The following COL14A1 variants were observed in gnomAD, a reference collection of about 807,000 sequenced individuals.
The protein encoded by COL14A1 is collagen alpha-1(XIV) chain.
A neutral mutation model predicts 230.3 loss-of-function variants in COL14A1; 136 were observed. That is an observed-to-expected ratio of 0.59 (90% confidence interval 0.51 to 0.68). The LOEUF is 0.68. Among genes scored for constraint, COL14A1 ranks in the 30% least tolerant of loss-of-function variants. The pLI is 0.00. For missense variants in COL14A1, 1,976 were observed against 2,215.8 expected, an observed-to-expected ratio of 0.89 and a Z score of 2.17; for synonymous variants, 792 against 784.1, an observed-to-expected ratio of 1.01 and a Z score of -0.17.
chr8:120,209,019 AAAC>A (rs1473095287), intron 11 of COL14A1, among the ~76,000 whole-genome samples: 1 of 152,208 alleles, frequency 6.6e-6, no homozygotes, highest in Admixed American at 6.5e-5. Context: ...ATAACAGTGT[AAAC>A]AACACTAATC....
intron 35 of COL14A1, among the ~76,000 whole-genome samples, chr8:120,298,595 TTTTATATATATATATA>T (rs1219604745): frequency 4.3e-5 from 2 of 46,932 alleles, no homozygotes; most frequent in African/African-American, 9.4e-5. Context: ...TACCCATATA[TTTTATATATATATATA>T]TATATATATA....
Position 120,247,593 on chromosome 8 carries a change from T to A in COL14A1, c.2480-20T>A, listed in dbSNP as rs917062344. 2 of 1,603,186 alleles carry A rather than the reference T, an allele frequency of 1.2e-6. No individual in the cohort carries two copies. The highest frequency in any genetic ancestry group is 2.7e-5 in the African/African-American group (2 of 74,360). On this transcript the variant is annotated intron_variant, in intron 20 of 47. Transcript: ENST00000297848. The stretch of plus-strand genomic sequence containing the variant: ...GGAAATTACACTGAATCCCTGTTTT[T>A]CCTTTTCTTTTCTACTCAGTACCAT...
intron 6 of COL14A1, 62 bp from the exon 7 acceptor site, chr8:120,197,749 T>G (rs1817087078): frequency 2.6e-6 from 4 of 1,554,020 alleles, no homozygotes; most frequent in Non-Finnish European, 3.5e-6. Flanking sequence ...GTTTCTTGAG[T>G]AGCCCACTAG....
At chr8:120,141,614 A>G (rs1265569728) in intron 1 of COL14A1, among the ~76,000 whole-genome samples, 1 of 152,162 alleles carries the variant, frequency 6.6e-6, no homozygotes. Flanking sequence ...TGCTTTTTCC[A>G]TATAAATAAT....
At chr8:120,306,836 GATATATTTGAAT>G (rs1351414880) in intron 36 of COL14A1, among the ~76,000 whole-genome samples, 2 of 152,166 alleles carry the variant, frequency 1.3e-5, no homozygotes, top group African/African-American at 4.8e-5. Context: ...TTCAGTTGAA[GATATATTTGAAT>G]ATATATTTGA....
chr8:120,198,583 T>C (rs573369326), intron 7 of COL14A1, among the ~76,000 whole-genome samples: 3 of 152,182 alleles, frequency 2.0e-5, no homozygotes, highest in Admixed American at 6.5e-5. Flanking sequence ...AAAATGCTCA[T>C]TGAAGCATTT....
chr8:120,370,915 A>T (rs909061799), intron 47 of COL14A1: 6 of 1,190,224 alleles, frequency 5.0e-6, no homozygotes, highest in Admixed American at 5.8e-5. Flanking sequence ...CATAATATTT[A>T]AATGGTTGGT....
rs570972899 is a variant in COL14A1, at chr8:120,256,439, C to T, written c.2869+1083C>T. 2.6e-5 allele frequency among the ~76,000 whole-genome samples: 4 copies of T among 152,222 alleles called. No homozygotes were observed. The East Asian group carries it at 5.8e-4, about 22-fold the overall frequency. On this transcript the variant is annotated intron_variant, in intron 23 of 47. Coordinates refer to ENST00000297848, the MANE Select transcript of COL14A1 (RefSeq NM_021110.4). The stretch of plus-strand genomic sequence containing the variant: ...CCCTTGTAGAATAAGAACTGAGATA[C>T]GTGGAACATACGAGAAGAAATTCCT...
chr8:120,341,304 G>A, intron 42 of COL14A1, 21 bp from the exon 43 acceptor site: 1 of 1,613,780 alleles, frequency 6.2e-7, no homozygotes, highest in Non-Finnish European at 8.5e-7. Context: ...TAAGTAACTT[G>A]ACAATTTTCC....
In COL14A1 at chr8:120,371,640, T is replaced by C; in HGVS notation, c.*409T>C. On this transcript the variant is annotated 3_prime_UTR_variant, in exon 48 of 48. Transcript: ENST00000297848. Reference sequence around the variant, plus strand: ...AGAATTCAAAGAGGTTCAAAGAATATGTCACTTACTCCTACTTGCTGTAGG... The same window carrying C: ...AGAATTCAAAGAGGTTCAAAGAATACGTCACTTACTCCTACTTGCTGTAGG... 2.5e-6 allele frequency: 1 copy of C among 398,632 alleles called. No homozygotes were observed. The highest frequency in any genetic ancestry group is 4.4e-6 in the Non-Finnish European group (1 of 225,908). The allele number at this position is 398,632 out of a possible 1,614,324, so 24.7% of individuals were successfully genotyped here.
chr8:120,315,598 G>C lies in COL14A1; in HGVS notation c.4605+12G>C. On this transcript the variant is annotated intron_variant, in intron 39 of 47. Coordinates refer to ENST00000297848, the MANE Select transcript of COL14A1 (RefSeq NM_021110.4). ...TTCCAGGTCCACAGGTATTATTTTTGTTTTTTAAGTCTATTGCTCTCAGTC... is the reference window on the plus strand; with the variant it reads ...TTCCAGGTCCACAGGTATTATTTTTCTTTTTTAAGTCTATTGCTCTCAGTC... 5 of 1,610,118 alleles carry C rather than the reference G, an allele frequency of 3.1e-6. No individual in the cohort carries two copies. The highest frequency in any genetic ancestry group is 4.2e-6 in the Non-Finnish European group (5 of 1,177,118).
intron 18 of COL14A1, 110 bp downstream of exon 18, chr8:120,228,879 T>C: frequency 1.1e-6 from 1 of 933,400 alleles, no homozygotes; most frequent in Non-Finnish European, 1.7e-6. Flanking sequence ...GACCCTCCCT[T>C]CCTTTTCTGG....
intron 27 of COL14A1, 86 bp downstream of exon 27, chr8:120,278,320 A>G: frequency 5.3e-6 from 8 of 1,510,730 alleles, no homozygotes; most frequent in Non-Finnish European, 6.2e-6. Flanking sequence ...AGGCATAGTA[A>G]TTTTTTAAAG....
In COL14A1 at chr8:120,297,508, T is replaced by C; in HGVS notation, c.4237-3T>C. The C allele has an allele frequency of 7.0e-7, 1 of 1,433,006 alleles. No individual in the cohort carries two copies. The highest frequency in any genetic ancestry group is 1.5e-5 in the African/African-American group (1 of 67,646). 88.8% of individuals were successfully genotyped at this position (1,433,006 alleles called of 1,614,324 possible). ...GAATGACAATTTTCTTTTTAAATCA[T>C]AGTTCCAGTTACAGATGTTTGATAT... is the stretch of plus-strand genomic sequence containing the variant. On this transcript the variant is annotated splice_region_variant and splice_polypyrimidine_tract_variant and intron_variant, in intron 34 of 47. Transcript: ENST00000297848.
chr8:120,214,838 T>C (rs993130268), intron 13 of COL14A1, among the ~76,000 whole-genome samples: 2 of 151,986 alleles, frequency 1.3e-5, no homozygotes, highest in Non-Finnish European at 2.9e-5. Flanking sequence ...GCACGTAAGA[T>C]GATCATAGAA....
intron 20 of COL14A1, among the ~76,000 whole-genome samples, chr8:120,246,235 C>T (rs1367407115): frequency 2.0e-5 from 3 of 152,092 alleles, no homozygotes; most frequent in African/African-American, 2.4e-5. Flanking sequence ...GTGCTTATGC[C>T]GTGTGCCTCC....
intron 36 of COL14A1, among the ~76,000 whole-genome samples, chr8:120,302,505 T>G (rs1414473258): frequency 6.6e-6 from 1 of 152,144 alleles, no homozygotes; most frequent in East Asian, 1.9e-4. Flanking sequence ...GAATCCTTTC[T>G]CCATTGCTTG....
chr8:120,172,695 C>A (rs1816133885), intron 5 of COL14A1, among the ~76,000 whole-genome samples: 1 of 152,196 alleles, frequency 6.6e-6, no homozygotes, highest in South Asian at 2.1e-4. Context: ...TCCCCCCACA[C>A]AGAGCTTAGG....
intron 45 of COL14A1, among the ~76,000 whole-genome samples, chr8:120,347,180 T>C (rs961204968): frequency 6.6e-6 from 1 of 152,140 alleles, no homozygotes; most frequent in African/African-American, 2.4e-5. Context: ...ACCGAGTCTC[T>C]CCTGCTCTGC....
Sources: gnomAD v4.1 joint callset for allele counts (sites outside exome capture counted in the v4.1 genomes callset) on GRCh38, gnomAD v4.1.1 for gene constraint, MANE v1.5 for transcripts, NCBI Gene and HGNC (gene_info 2026-07-23, HGNC 2026-07-21) for gene names.